The following CELF4 variants were observed in gnomAD, a reference collection of about 807,000 sequenced individuals.
CELF4 encodes CUGBP Elav-like family member 4.
CELF4 carries 18 observed loss-of-function variants against 59.9 expected under a neutral mutation model. That is an observed-to-expected ratio of 0.30 (90% CI 0.21 to 0.45). CELF4 has a LOEUF of 0.45. Ranked by LOEUF, CELF4 falls within the 20% of genes least tolerant of loss-of-function variation. The pLI, the probability that CELF4 is intolerant of heterozygous loss-of-function variation, is 1.00. For synonymous variants in CELF4, 261 were observed against 267.1 expected (o/e 0.98, Z 0.22); for missense variants, 456 against 689.0 (o/e 0.66, Z 3.79).
intron 1 of CELF4, among the ~76,000 whole-genome samples, chr18:37,562,934 A>G (rs1461667998): frequency 1.3e-5 from 2 of 152,186 alleles, no homozygotes; most frequent in Non-Finnish European, 2.9e-5. Flanking sequence ...TGCGACAACG[A>G]GGAACCCAGT....
intron 2 of CELF4, among the ~76,000 whole-genome samples, chr18:37,484,672 T>C (rs1169130553): frequency 7.2e-5 from 11 of 152,224 alleles, no homozygotes; most frequent in Admixed American, 7.2e-4. Flanking sequence ...CCTTTCCCGC[T>C]GTGGGGTAGA....
At chr18:37,281,001 G>A (rs1016619996) in intron 3 of CELF4, among the ~76,000 whole-genome samples, 14 of 152,186 alleles carry the variant, frequency 9.2e-5, no homozygotes, top group African/African-American at 2.9e-4. Flanking sequence ...TCCTCCCATG[G>A]GTCCCTCCAT....
At chr18:37,299,892 G>A (rs1381725577) in intron 3 of CELF4, among the ~76,000 whole-genome samples, 1 of 151,940 alleles carries the variant, frequency 6.6e-6, no homozygotes, top group East Asian at 1.9e-4. Flanking sequence ...GAGCTCCCGG[G>A]CCCATACTCC....
intron 2 of CELF4, among the ~76,000 whole-genome samples, chr18:37,480,103 C>T (rs866781426): frequency 3.9e-5 from 6 of 152,312 alleles, no homozygotes; most frequent in South Asian, 4.1e-4. Context: ...AATACATTTC[C>T]GTTGTTTAAG....
intron 2 of CELF4, among the ~76,000 whole-genome samples, chr18:37,453,057 C>T (rs1465206723): frequency 6.6e-6 from 1 of 152,266 alleles, no homozygotes; most frequent in East Asian, 1.9e-4. Flanking sequence ...ACACCTGCCT[C>T]AACTTCCTGA....
Position 37,259,262 on chromosome 18 carries a change from G to T in CELF4, c.1252C>A (p.Pro418Thr), listed in dbSNP as rs1274739980. The T allele has an allele frequency of 7.0e-7, 1 of 1,425,724 alleles. No individual in the cohort carries two copies. The highest frequency in any genetic ancestry group is 1.3e-5 in the South Asian group (1 of 79,380). The allele number at this position is 1,425,724 out of a possible 1,614,324, so 88.3% of individuals were successfully genotyped here. A position where few individuals can be genotyped will look rare whatever the true frequency, so the allele number is the denominator to read the frequency against. ...PMIPQQQREG[P>T]EGCNLFIYHL... is the part of the protein sequence containing the mutation. ...TAGATGAACAGGTTACAGCCCTCGG[G>T]CCCTGCGGTGAGGGGAGGGGGTGGG... The change falls in exon 11 of 13, where the codon CCC (proline) becomes ACC (threonine). Residue 418 changes from proline (P) to threonine (T), a missense_variant and splice_region_variant. By Grantham distance (38) the Pro-to-Thr change is conservative. Coordinates refer to ENST00000420428, the MANE Select transcript of CELF4 (RefSeq NM_020180.4).
chr18:37,564,070 G>A (rs1202606621), intron 1 of CELF4, among the ~76,000 whole-genome samples: 1 of 152,142 alleles, frequency 6.6e-6, no homozygotes, highest in Non-Finnish European at 1.5e-5. Context: ...GTGGGTGTGC[G>A]TGTGTTTTCA....
At position 37,455,545 on chromosome 18, in the gene CELF4, T is replaced by C. The variant is rs559136393; in HGVS notation, c.369+29980A>G. On this transcript the variant is annotated intron_variant, in intron 2 of 12. Coordinates refer to ENST00000420428, the MANE Select transcript of CELF4 (RefSeq NM_020180.4). ...AGCCCCTCTCTTTCCAGGCCCATAA[T>C]TGGGGAGCCAGGGCTGACAGGGCTG... 3.9e-4 allele frequency among the ~76,000 whole-genome samples: 60 copies of C among 152,254 alleles called. No individual in the cohort carries two copies. In the South Asian group the frequency reaches 0.011, roughly 28 times the overall value.
chr18:37,296,308 T>C (rs1308686483), intron 3 of CELF4, among the ~76,000 whole-genome samples: 1 of 152,160 alleles, frequency 6.6e-6, no homozygotes, highest in Admixed American at 6.5e-5. Flanking sequence ...AGAAAGACTA[T>C]AGCCTCCTGA....
At chr18:37,439,077 C>G (rs2033086783) in intron 2 of CELF4, among the ~76,000 whole-genome samples, 1 of 152,158 alleles carries the variant, frequency 6.6e-6, no homozygotes, top group African/African-American at 2.4e-5. Flanking sequence ...CTGCAGAGGG[C>G]CCCAGGGACT....
intron 1 of CELF4, among the ~76,000 whole-genome samples, chr18:37,556,149 G>A (rs1395486423): frequency 6.6e-6 from 1 of 152,162 alleles, no homozygotes; most frequent in Non-Finnish European, 1.5e-5. Flanking sequence ...GCTTTATAAG[G>A]ATATTATTAG....
At chr18:37,447,672 G>C (rs924761825) in intron 2 of CELF4, among the ~76,000 whole-genome samples, 2 of 152,222 alleles carry the variant, frequency 1.3e-5, no homozygotes, top group Non-Finnish European at 2.9e-5. Flanking sequence ...ATGGGCCCTG[G>C]GTTGAGGGGT....
chr18:37,369,249 G>A (rs1424681781), intron 2 of CELF4, among the ~76,000 whole-genome samples: 1 of 152,164 alleles, frequency 6.6e-6, no homozygotes. Flanking sequence ...GTGTATGGTG[G>A]GGGGGTGGGC....
intron 3 of CELF4, chr18:37,276,241 A>G (rs1462494059): frequency 6.6e-6 from 1 of 152,214 alleles, no homozygotes; most frequent in African/African-American, 2.4e-5. Flanking sequence ...GCATGCACGC[A>G]TGGGGCTGTA....
chr18:37,441,710 T>C (rs1305021067), intron 2 of CELF4, among the ~76,000 whole-genome samples: 2 of 152,040 alleles, frequency 1.3e-5, no homozygotes, highest in Admixed American at 6.6e-5. Context: ...AGGGGACACC[T>C]ATCCACCCAG....
At chr18:37,315,348 T>TA in intron 3 of CELF4, among the ~76,000 whole-genome samples, 1 of 152,078 alleles carries the variant, frequency 6.6e-6, no homozygotes, top group African/African-American at 2.4e-5. Context: ...TGGCAGCCCC[T>TA]AGGGAGTCCT....
chr18:37,259,033 G>T lies in CELF4; in HGVS notation c.1333+148C>A, dbSNP rs891645860. The T allele has an allele frequency of 1.4e-5, 17 of 1,226,250 alleles. No individual in the cohort carries two copies. In the African/African-American group the frequency reaches 2.2e-4, roughly 16 times the overall value. The allele number at this position is 1,226,250 out of a possible 1,614,324, so 76.0% of individuals were successfully genotyped here. ...GCTGGGGCGGGGGCAATGTGAAGGAGCAGGTTAAAAGCAGTCGGACACCGG... is the reference window on the plus strand; with the variant it reads ...GCTGGGGCGGGGGCAATGTGAAGGATCAGGTTAAAAGCAGTCGGACACCGG... On this transcript the variant is annotated intron_variant, in intron 11 of 12. Transcript: ENST00000420428.
chr18:37,501,985 C>G (rs1453024759), intron 1 of CELF4, among the ~76,000 whole-genome samples: 1 of 152,104 alleles, frequency 6.6e-6, no homozygotes, highest in Admixed American at 6.5e-5. Context: ...AAGGGAGAAC[C>G]AGTAGCCCTC....
intron 1 of CELF4, among the ~76,000 whole-genome samples, chr18:37,492,075 A>C (rs2099907714): frequency 6.6e-6 from 1 of 152,124 alleles, no homozygotes; most frequent in Non-Finnish European, 1.5e-5. Flanking sequence ...CTACTAATTG[A>C]ATTACAGAAT....
Sources: gnomAD v4.1 joint callset for allele counts (sites outside exome capture counted in the v4.1 genomes callset) on GRCh38, gnomAD v4.1.1 for gene constraint, MANE v1.5 for transcripts, NCBI Gene and HGNC (gene_info 2026-07-23, HGNC 2026-07-21) for gene names.